The following MRPS6 variants were observed in gnomAD, a reference collection of about 807,000 sequenced individuals.
MRPS6 encodes mitochondrial ribosomal protein S6.
A neutral mutation model predicts 13.1 loss-of-function variants in MRPS6; 6 were observed. That is an observed-to-expected ratio of 0.46 (90% CI 0.25 to 0.91). The LOEUF is 0.91. MRPS6 is among the 40% of genes least tolerant of loss of function. The pLI, the probability that MRPS6 is intolerant of heterozygous loss-of-function variation, is 0.18. For synonymous variants in MRPS6, 61 were observed against 56.5 expected (o/e 1.08, Z -0.36); for missense variants, 164 against 155.6 (o/e 1.05, Z -0.29).
intron 1 of MRPS6, among the ~76,000 whole-genome samples, chr21:34,108,414 C>A (rs1979567588): frequency 6.6e-6 from 1 of 152,176 alleles, no homozygotes; most frequent in South Asian, 2.1e-4. Flanking sequence ...ACCACATAGC[C>A]TAGGTGTGTA....
chr21:34,138,005 A>C (rs899392017), intron 2 of MRPS6, among the ~76,000 whole-genome samples: 1 of 152,172 alleles, frequency 6.6e-6, no homozygotes, highest in African/African-American at 2.4e-5. Context: ...ATTTGCTAAA[A>C]TTTTGTTTAG....
At chr21:34,079,337 CT>C (rs1422774445) in intron 1 of MRPS6, among the ~76,000 whole-genome samples, 2 of 152,150 alleles carry the variant, frequency 1.3e-5, no homozygotes, top group Admixed American at 1.3e-4. Context: ...GTGCCAGCCC[CT>C]GATTTAGAGT....
intron 1 of MRPS6, chr21:34,103,755 G>A (rs1432303289): frequency 3.0e-6 from 3 of 999,800 alleles, no homozygotes; most frequent in African/African-American, 3.5e-5. Context: ...AATGGTAAGG[G>A]ACCCAAAGGA....
intron 1 of MRPS6, among the ~76,000 whole-genome samples, chr21:34,088,067 A>G (rs142032481): frequency 1.3e-5 from 2 of 152,346 alleles, no homozygotes; most frequent in Admixed American, 6.5e-5. Context: ...ACAGGCAACT[A>G]CAACACTTCA....
intron 1 of MRPS6, among the ~76,000 whole-genome samples, chr21:34,089,203 T>TA (rs1381270408): frequency 1.1e-3 from 1 of 936 alleles, no homozygotes; most frequent in Admixed American, 0.017. Flanking sequence ...GATTTTTGTG[T>TA]TTTTTTAGAG....
chr21:34,092,873 C>G (rs1405578222), intron 1 of MRPS6, among the ~76,000 whole-genome samples: 1 of 152,142 alleles, frequency 6.6e-6, no homozygotes, highest in Non-Finnish European at 1.5e-5. Context: ...CCTGATTAGC[C>G]AGGTAGCCTT....
chr21:34,094,764 T>C lies in MRPS6; in HGVS notation c.45+21019T>C, dbSNP rs189532513. ...AAATTTTTTTTCTTCCAATAAAGAATGTCTCGTTGCGCCGGGTTTGCTAGA... is the reference window on the plus strand; with the variant it reads ...AAATTTTTTTTCTTCCAATAAAGAACGTCTCGTTGCGCCGGGTTTGCTAGA... On this transcript the variant is annotated intron_variant, in intron 1 of 2. Coordinates refer to ENST00000399312, the MANE Select transcript of MRPS6 (RefSeq NM_032476.4). The C allele has an allele frequency of 4.1e-3, 421 of 102,462 alleles. 3 individuals carry two copies. The highest frequency in any genetic ancestry group is 0.03 in the Middle Eastern group (6 of 198). 6.3% of individuals were successfully genotyped at this position (102,462 alleles called of 1,614,324 possible).
intron 1 of MRPS6, among the ~76,000 whole-genome samples, chr21:34,083,859 C>T (rs1247443901): frequency 6.6e-6 from 1 of 152,132 alleles, no homozygotes; most frequent in East Asian, 1.9e-4. Flanking sequence ...AGTATTTTAT[C>T]TGATTAGGAT....
intron 2 of MRPS6, among the ~76,000 whole-genome samples, chr21:34,139,342 A>C (rs954333651): frequency 6.6e-6 from 1 of 152,126 alleles, no homozygotes; most frequent in Non-Finnish European, 1.5e-5. Context: ...ATAATAAAAA[A>C]AAATTGGTAT....
rs796711574 is a variant in MRPS6, at chr21:34,142,462, G to A, written c.240G>A (p.Glu80=). The change falls in exon 3 of 3, where the codon GAG becomes GAA. Residue 80 remains glutamate, a synonymous_variant. Coordinates refer to ENST00000399312, the MANE Select transcript of MRPS6 (RefSeq NM_032476.4). ...APTAAVESMV[E]HLSRDIDVIR... Reference sequence around the variant, plus strand: ...CCGCAGCTGTTGAAAGCATGGTGGAGCACTTGTCTCGAGATATAGATGTGA... The same window carrying A: ...CCGCAGCTGTTGAAAGCATGGTGGAACACTTGTCTCGAGATATAGATGTGA... The A allele has an allele frequency of 3.7e-6, 6 of 1,609,736 alleles. 1 individual carries two copies. In the Middle Eastern group the frequency reaches 4.9e-4, roughly 132 times the overall value.
chr21:34,080,831 T>C (rs924273315), intron 1 of MRPS6, among the ~76,000 whole-genome samples: 5 of 152,248 alleles, frequency 3.3e-5, no homozygotes, highest in East Asian at 3.8e-4. Context: ...AAAACAGTTA[T>C]TTGCTATGAT....
At chr21:34,115,358 A>G (rs1979860240) in intron 1 of MRPS6, among the ~76,000 whole-genome samples, 1 of 152,120 alleles carries the variant, frequency 6.6e-6, no homozygotes, top group South Asian at 2.1e-4. Context: ...TCCTGTTTCC[A>G]CATCCCTTGG....
At chr21:34,075,699 A>G (rs1226763659) in intron 1 of MRPS6, among the ~76,000 whole-genome samples, 1 of 152,216 alleles carries the variant, frequency 6.6e-6, no homozygotes, top group Non-Finnish European at 1.5e-5. Flanking sequence ...AAATAAAGTA[A>G]TATTAAACAA....
intron 1 of MRPS6, chr21:34,103,843 G>A (rs562619832): frequency 2.0e-6 from 2 of 1,000,102 alleles, no homozygotes; most frequent in Non-Finnish European, 2.4e-6. Flanking sequence ...ATATTTGGGG[G>A]TTACTAGCTA....
intron 1 of MRPS6, among the ~76,000 whole-genome samples, chr21:34,080,819 A>G (rs1379252637): frequency 1.3e-5 from 2 of 152,230 alleles, no homozygotes; most frequent in African/African-American, 2.4e-5. Flanking sequence ...TCTCATCTCT[A>G]TAAAACAGTT....
chr21:34,135,118 C>G (rs1025828185), intron 2 of MRPS6, among the ~76,000 whole-genome samples: 1 of 152,110 alleles, frequency 6.6e-6, no homozygotes, highest in Non-Finnish European at 1.5e-5. Context: ...ATAGTTCACT[C>G]CTTTTCATTG....
At chr21:34,094,650 C>T (rs2105487) in intron 1 of MRPS6, among the ~76,000 whole-genome samples, 152,350 of 152,350 alleles carry the variant, frequency 1, 76,175 homozygotes, top group Non-Finnish European at 1. Flanking sequence ...TTTCTGTCCT[C>T]AGCTCAAAAT....
chr21:34,106,105 A>G (rs1240727141), intron 1 of MRPS6: 14 of 998,468 alleles, frequency 1.4e-5, no homozygotes, highest in Middle Eastern at 5.2e-4. Flanking sequence ...CAGCTGCTGC[A>G]TTAGCCTTCA....
At chr21:34,076,413 A>G (rs16991166) in intron 1 of MRPS6, among the ~76,000 whole-genome samples, 1,835 of 152,304 alleles carry the variant, frequency 0.012, 41 homozygotes, top group South Asian at 0.082. Context: ...CCATTGAAAG[A>G]TTTCAGAGTG....
Sources: allele counts gnomAD v4.1 joint callset (sites outside exome capture counted in the v4.1 genomes callset), GRCh38; gene constraint gnomAD v4.1.1; transcripts MANE v1.5; gene names NCBI Gene and HGNC (gene_info 2026-07-23, HGNC 2026-07-21).